The following ELF1 variants were observed in gnomAD, a reference collection of about 807,000 sequenced individuals.
The protein encoded by ELF1 is E74 like ETS transcription factor 1.
In ELF1, 24 loss-of-function variants were observed where a neutral mutation model predicts 59.9. The ratio of observed to expected loss-of-function variants is 0.40; its 90% CI spans 0.29 to 0.56. The LOEUF (loss-of-function observed/expected upper bound fraction) is 0.56. Among genes scored for constraint, ELF1 ranks in the 20% least tolerant of loss-of-function variants. ELF1 has a pLI of 0.44. For missense variants in ELF1, 627 were observed against 742.2 expected (o/e 0.84, Z 1.80); for synonymous variants, 248 against 266.2 (o/e 0.93, Z 0.67).
intron 1 of ELF1, among the ~76,000 whole-genome samples, chr13:40,994,516 T>G (rs2058422665): frequency 6.6e-6 from 1 of 151,504 alleles, no homozygotes; most frequent in Non-Finnish European, 1.5e-5. Flanking sequence ...GGTGGGGGGG[T>G]GCCTGTAATC....
At position 40,949,819 on chromosome 13, in the gene ELF1, A is replaced by C; in HGVS notation, c.516T>G (p.Pro172=). ...TAACCCACCTACCTTTTTTCCTCTT[A>C]GGCTGTTCTGGTGATGAGGCTCCCG... ...DSPGASSPEQ[P]KRKKGRKTKP... Residue 172 remains proline, a synonymous_variant, in exon 5 of 9, where the codon CCT becomes CCG. Coordinates refer to ENST00000239882, the MANE Select transcript of ELF1 (RefSeq NM_172373.4). The C allele has an allele frequency of 6.2e-7, 1 of 1,612,904 alleles. No individual in the cohort carries two copies.
intron 5 of ELF1, among the ~76,000 whole-genome samples, chr13:40,946,135 G>A (rs1204383276): frequency 1.3e-5 from 2 of 152,170 alleles, no homozygotes; most frequent in South Asian, 2.1e-4. Context: ...CACTGAGCAT[G>A]GCCCAATTTC....
chr13:41,036,648 T>G (rs1287114741), intron 1 of ELF1, among the ~76,000 whole-genome samples: 2 of 152,216 alleles, frequency 1.3e-5, no homozygotes, highest in African/African-American at 4.8e-5. Context: ...TGAAGACGCA[T>G]GCATACGTAT....
intron 1 of ELF1, among the ~76,000 whole-genome samples, chr13:41,037,135 A>G (rs73176948): frequency 0.054 from 8,131 of 151,950 alleles, 244 homozygotes; most frequent in Middle Eastern, 0.11. Flanking sequence ...AAAAACCTTA[A>G]AAGTATTTTA....
At chr13:40,958,529 T>TAA (rs1330252980) in intron 3 of ELF1, among the ~76,000 whole-genome samples, 8 of 141,342 alleles carry the variant, frequency 5.7e-5, no homozygotes, top group Non-Finnish European at 3.1e-5. Flanking sequence ...CTCCATCTCT[T>TAA]AAAAAAAAAA....
intron 6 of ELF1, 122 bp downstream of exon 6, chr13:40,943,720 C>T: frequency 1.4e-6 from 1 of 693,530 alleles, no homozygotes; most frequent in South Asian, 4.0e-5. Context: ...ATCTAATAAG[C>T]ATGTGGCAGC....
At chr13:40,987,234 C>T (rs1373048154) in intron 1 of ELF1, among the ~76,000 whole-genome samples, 1 of 149,406 alleles carries the variant, frequency 6.7e-6, no homozygotes, top group Non-Finnish European at 1.5e-5. Context: ...CAGCACCCGG[C>T]CGAAAATCAC....
At chr13:40,935,138 G>A (rs1869677064) in intron 8 of ELF1, among the ~76,000 whole-genome samples, 2 of 152,146 alleles carry the variant, frequency 1.3e-5, no homozygotes, top group Admixed American at 6.5e-5. Context: ...TGAAGAGAAA[G>A]TTACATAAAT....
chr13:40,999,922 CCTT>C lies in ELF1; in HGVS notation c.-228-17643_-228-17641del, dbSNP rs572430371. ...AACGTATGACTAATTACCACATAAT[CCTT>C]CTTATTATTCAACTGAACATCAAAA... On this transcript the variant is annotated intron_variant, in intron 1 of 8. Transcript: ENST00000239882. Among the ~76,000 whole-genome samples, 34 of 152,282 alleles carry C rather than the reference CCTT, an allele frequency of 2.2e-4. No homozygotes were observed. The East Asian group carries it at 6.0e-3, about 27-fold the overall frequency.
At chr13:41,002,758 C>T (rs1041063690) in intron 1 of ELF1, among the ~76,000 whole-genome samples, 11 of 152,072 alleles carry the variant, frequency 7.2e-5, no homozygotes, top group Admixed American at 5.9e-4. Flanking sequence ...TCCCTACAGG[C>T]GCTTACAATC....
intron 1 of ELF1, among the ~76,000 whole-genome samples, chr13:41,001,888 G>A (rs554513503): frequency 6.6e-6 from 1 of 152,068 alleles, no homozygotes; most frequent in African/African-American, 2.4e-5. Context: ...AAAAAAATGG[G>A]GATTGTCAGG....
chr13:40,955,205 C>T (rs9532685), intron 3 of ELF1, among the ~76,000 whole-genome samples: 79,176 of 144,146 alleles, frequency 0.55, 25,213 homozygotes, highest in Non-Finnish European at 0.7. Flanking sequence ...GGAGCCCCTC[C>T]GCCCGGCAGC....
intron 1 of ELF1, among the ~76,000 whole-genome samples, chr13:41,015,540 T>C (rs1010069037): frequency 6.6e-6 from 1 of 152,190 alleles, no homozygotes; most frequent in African/African-American, 2.4e-5. Context: ...AAACTCTCTT[T>C]CTGAAAATGT....
chr13:41,057,400 T>TC (rs1003062190), intron 1 of ELF1, among the ~76,000 whole-genome samples: 12 of 151,652 alleles, frequency 7.9e-5, no homozygotes, highest in African/African-American at 1.2e-4. Flanking sequence ...CTCTTTTTTT[T>TC]CCCCCCACCC....
intron 5 of ELF1, among the ~76,000 whole-genome samples, chr13:40,947,429 C>A (rs900585542): frequency 5.3e-5 from 8 of 152,218 alleles, no homozygotes; most frequent in African/African-American, 1.7e-4. Context: ...TTAATCCCAG[C>A]TACCTGGGAG....
At chr13:41,058,161 T>C (rs934206827) in intron 1 of ELF1, among the ~76,000 whole-genome samples, 131 of 152,332 alleles carry the variant, frequency 8.6e-4, no homozygotes, top group African/African-American at 3.0e-3. Flanking sequence ...GGTTTAAAAA[T>C]TTTTGTGACA....
At chr13:41,040,636 C>T (rs1031035969) in intron 1 of ELF1, among the ~76,000 whole-genome samples, 19 of 152,084 alleles carry the variant, frequency 1.2e-4, no homozygotes, top group Middle Eastern at 3.2e-3. Context: ...GTTCACAATA[C>T]GGTTCATATT....
At chr13:41,015,244 T>C (rs537780563) in intron 1 of ELF1, among the ~76,000 whole-genome samples, 13 of 151,910 alleles carry the variant, frequency 8.6e-5, no homozygotes, top group Admixed American at 3.3e-4. Context: ...ACAAAGATTA[T>C]TTATTATGGC....
intron 2 of ELF1, among the ~76,000 whole-genome samples, chr13:40,972,578 A>G (rs7337539): frequency 0.19 from 29,131 of 152,214 alleles, 3,020 homozygotes; most frequent in African/African-American, 0.26. Context: ...AAGAGCTATT[A>G]AAGCTTTTTC....
Sources: allele counts gnomAD v4.1 joint callset (sites outside exome capture counted in the v4.1 genomes callset), GRCh38; gene constraint gnomAD v4.1.1; transcripts MANE v1.5; gene names NCBI Gene and HGNC (gene_info 2026-07-23, HGNC 2026-07-21).